PRKCZ: variants seen among roughly 807,000 people sequenced by gnomAD.
PRKCZ encodes the protein protein kinase C zeta type.
PRKCZ carries 33 observed loss-of-function variants against 79.5 expected under a neutral mutation model. The ratio of observed to expected loss-of-function variants is 0.41; its 90% CI spans 0.31 to 0.55. The LOEUF (loss-of-function observed/expected upper bound fraction) is 0.55. PRKCZ is among the 20% of genes least tolerant of loss of function. The pLI is 0.19. For synonymous variants in PRKCZ, 342 were observed against 320.9 expected, an observed-to-expected ratio of 1.07 and a Z score of -0.70; for missense variants, 578 against 813.5, an observed-to-expected ratio of 0.71 and a Z score of 3.52.
rs114797477 is a variant in PRKCZ, at chr1:2,179,294, G to A, written c.1575+3981G>A. 5.2e-3 allele frequency among the ~76,000 whole-genome samples: 790 copies of A among 152,334 alleles called. 11 individuals carry two copies. Among genetic ancestry groups the A allele is most frequent in the African/African-American group, 0.018 (749 of 41,582 alleles). Reference sequence around the variant, plus strand: ...GGAAGTTGCTGGGCCTGTCCCGGGTGAGCTTTGAGTGATGGACAGGCTCAT... The same window carrying A: ...GGAAGTTGCTGGGCCTGTCCCGGGTAAGCTTTGAGTGATGGACAGGCTCAT... On this transcript the variant is annotated intron_variant, in intron 16 of 17. Coordinates refer to ENST00000378567, the MANE Select transcript of PRKCZ (RefSeq NM_002744.6).
In PRKCZ at chr1:2,121,704, A is replaced by G. The variant is rs868627327; in HGVS notation, c.335-13558A>G. Among the ~76,000 whole-genome samples, 88 of 23,526 alleles carry G rather than the reference A, an allele frequency of 3.7e-3. 7 individuals are homozygous for G. The highest frequency in any genetic ancestry group is 0.036 in the East Asian group (17 of 470). The allele number at this position is 23,526 out of a possible 152,430, so 15.4% of individuals were successfully genotyped here. A position where few individuals can be genotyped will look rare whatever the true frequency, so the allele number is the denominator to read the frequency against. On this transcript the variant is annotated intron_variant, in intron 4 of 17. Coordinates refer to ENST00000378567, the MANE Select transcript of PRKCZ (RefSeq NM_002744.6). ...TAGGGTCACGGTGGTGGTTAGGGTC[A>G]CGGTGGTAGTTAGGGTCACGGCGGT...
In PRKCZ at chr1:2,165,719, C is replaced by A. The variant is rs761094158; in HGVS notation, c.975-3799C>A. On this transcript the variant is annotated intron_variant, in intron 10 of 17. Coordinates refer to ENST00000378567, the MANE Select transcript of PRKCZ (RefSeq NM_002744.6). The surrounding 1 kb of genome is among the most constrained non-coding windows in gnomAD (Gnocchi z 4.1). ...TGTACACACATGGTGGTGGCCCGCC[C>A]GGACCCATCTGGTTAATTCTTGACT... Among the ~76,000 whole-genome samples, 1 of 152,178 alleles carries A rather than the reference C, an allele frequency of 6.6e-6. No individual in the cohort carries two copies. The highest frequency in any genetic ancestry group is 1.5e-5 in the Non-Finnish European group (1 of 68,020).
chr1:2,179,254 G>A (rs567056712), intron 16 of PRKCZ, among the ~76,000 whole-genome samples: 29 of 152,344 alleles, frequency 1.9e-4, no homozygotes, highest in East Asian at 1.4e-3. Context: ...TTGGCTGTGG[G>A]AGCAAAGGCC....
At chr1:2,124,769 G>A (rs150323639) in intron 4 of PRKCZ, among the ~76,000 whole-genome samples, 3 of 152,122 alleles carry the variant, frequency 2.0e-5, no homozygotes, top group Non-Finnish European at 4.4e-5. Context: ...TGTGACCTCC[G>A]AAGGGTCAGC....
intron 4 of PRKCZ, among the ~76,000 whole-genome samples, chr1:2,079,110 G>A (rs547977217): frequency 3.9e-5 from 6 of 152,328 alleles, no homozygotes; most frequent in East Asian, 3.9e-4. Flanking sequence ...CCAAAGTGCC[G>A]GGATTACAGG....
At chr1:2,068,218 G>A (rs1235482135) in intron 4 of PRKCZ, among the ~76,000 whole-genome samples, 2 of 152,254 alleles carry the variant, frequency 1.3e-5, no homozygotes, top group Non-Finnish European at 2.9e-5. Flanking sequence ...CTAGGGAGGG[G>A]TGGGGCGGCC....
intron 3 of PRKCZ, among the ~76,000 whole-genome samples, chr1:2,057,983 T>C (rs975268389): frequency 6.6e-6 from 1 of 152,216 alleles, no homozygotes; most frequent in African/African-American, 2.4e-5. Context: ...TTCTTCTGCC[T>C]CACCCTCCCA....
At chr1:2,079,682 G>A (rs1326540448) in intron 4 of PRKCZ, among the ~76,000 whole-genome samples, 1 of 152,232 alleles carries the variant, frequency 6.6e-6, no homozygotes, top group Non-Finnish European at 1.5e-5. Context: ...GGGAGCATGT[G>A]TGCTGGCAGC....
chr1:2,184,724 T>C (rs773337704), intron 17 of PRKCZ, 26 bp downstream of exon 17: 8 of 1,595,634 alleles, frequency 5.0e-6, no homozygotes, highest in Middle Eastern at 1.7e-4. Context: ...TGCGGGTCCC[T>C]GGAGCACCCC....
chr1:2,061,309 C>T (rs6605074), intron 4 of PRKCZ, among the ~76,000 whole-genome samples: 23,771 of 152,032 alleles, frequency 0.16, 2,156 homozygotes, highest in East Asian at 0.25. Flanking sequence ...TTTCTGTCTA[C>T]GACCTCGGCA....
In PRKCZ at chr1:2,175,157, A is replaced by G. The variant is rs2292858; in HGVS notation, c.1486-67A>G. The G allele has an allele frequency of 3.6e-3, 5,089 of 1,406,796 alleles. 162 individuals are homozygous for G. The East Asian group carries it at 0.082, about 23-fold the overall frequency. 87.1% of individuals were successfully genotyped at this position (1,406,796 alleles called of 1,614,324 possible). A position where few individuals can be genotyped will look rare whatever the true frequency, so the allele number is the denominator to read the frequency against. On this transcript the variant is annotated intron_variant, in intron 15 of 17. Coordinates refer to ENST00000378567, the MANE Select transcript of PRKCZ (RefSeq NM_002744.6). Reference sequence around the variant, plus strand: ...CTTGTCAGCACTGGGAGTGGCCACCAAGGAGAGGGGGTCATGGGGCTTCCG... The same window carrying G: ...CTTGTCAGCACTGGGAGTGGCCACCGAGGAGAGGGGGTCATGGGGCTTCCG...
rs183103343 is a variant in PRKCZ, at chr1:2,150,975, C to T, written c.873C>T (p.Asp291=). The change falls in exon 9 of 18, where the codon GAC becomes GAT. Residue 291 remains aspartate, a synonymous_variant. Transcript: ENST00000378567. ...TGAAGAAAGAGCTGGTGCATGATGA[C>T]GAGGTAGGTGCCGCTTCTCATGGGG... ...KVVKKELVHD[D]EDIDWVQTEK... The T allele has an allele frequency of 9.2e-5, 149 of 1,613,356 alleles. No individual in the cohort carries two copies. In the East Asian group the frequency reaches 1.1e-3, roughly 12 times the overall value.
At chr1:2,117,999 T>C (rs9727528) in intron 4 of PRKCZ, among the ~76,000 whole-genome samples, 20 of 6,354 alleles carry the variant, frequency 3.1e-3, no homozygotes, top group African/African-American at 8.6e-3. Context: ...CTATTATTTC[T>C]TTTTTTTTTT....
chr1:2,113,276 C>T (rs927374224), intron 4 of PRKCZ, among the ~76,000 whole-genome samples: 3 of 152,228 alleles, frequency 2.0e-5, no homozygotes, highest in Non-Finnish European at 2.9e-5. Context: ...TTCCTCCCCA[C>T]TGGTCTCGCC....
Position 2,185,087 on chromosome 1 carries a change from G to T in PRKCZ, c.*78G>T. The T allele has an allele frequency of 7.3e-7, 1 of 1,364,678 alleles. No individual in the cohort carries two copies. The highest frequency in any genetic ancestry group is 1.0e-6 in the Non-Finnish European group (1 of 981,564). 84.5% of individuals were successfully genotyped at this position (1,364,678 alleles called of 1,614,324 possible). On this transcript the variant is annotated 3_prime_UTR_variant, in exon 18 of 18. Transcript: ENST00000378567. ...CTTAACCACCGCATATGCATGCCAG[G>T]CTGGGCACGGCTCCGAGGGCGGCCA...
chr1:2,076,602 C>T (rs1367708001), intron 4 of PRKCZ, among the ~76,000 whole-genome samples: 2 of 151,916 alleles, frequency 1.3e-5, no homozygotes, highest in African/African-American at 2.4e-5. Flanking sequence ...ATTAGCTGGG[C>T]GTGGTGGTGA....
At chr1:2,138,591 T>C (rs1480097898) in intron 5 of PRKCZ, among the ~76,000 whole-genome samples, 1 of 151,934 alleles carries the variant, frequency 6.6e-6, no homozygotes. Flanking sequence ...TGGGTAGGAA[T>C]CCAGGCTGCT....
chr1:2,138,003 C>A (rs1676566560), intron 5 of PRKCZ, among the ~76,000 whole-genome samples: 1 of 152,226 alleles, frequency 6.6e-6, no homozygotes, highest in Non-Finnish European at 1.5e-5. Context: ...CGATTCCCGC[C>A]TAATTGTGCC....
chr1:2,085,116 C>T (rs964915349), intron 4 of PRKCZ, among the ~76,000 whole-genome samples: 2 of 151,988 alleles, frequency 1.3e-5, no homozygotes, highest in South Asian at 2.1e-4. Flanking sequence ...TGTGGCTCTG[C>T]GGGTAGGGGG....
Sources: allele counts gnomAD v4.1 joint callset (sites outside exome capture counted in the v4.1 genomes callset), GRCh38; gene constraint gnomAD v4.1.1; non-coding constraint Gnocchi (gnomAD v3.1); transcripts MANE v1.5; gene names NCBI Gene and HGNC (gene_info 2026-07-23, HGNC 2026-07-21).